Variants in PREX1 observed in about 807,000 individuals in gnomAD.
PREX1 encodes the protein phosphatidylinositol-3,4,5-trisphosphate dependent Rac exchange factor 1.
PREX1 carries 41 observed loss-of-function variants against 198.3 expected under a neutral mutation model. The ratio of observed to expected loss-of-function variants is 0.21; its 90% CI spans 0.16 to 0.27. The LOEUF (loss-of-function observed/expected upper bound fraction) is 0.27, where lower values mean the gene tolerates loss of function less well. Ranked by LOEUF, PREX1 falls within the 10% of genes least tolerant of loss-of-function variation. The probability of loss-of-function intolerance (pLI) is 1.00; values close to 1 mark genes in which losing one functional copy is unlikely to be tolerated. For synonymous variants in PREX1, 843 were observed against 887.2 expected (o/e 0.95, Z 0.89); for missense variants, 1,620 against 2,200.7 (o/e 0.74, Z 5.28).
chr20:48,682,886 G>A (rs1016355318), intron 10 of PREX1, among the ~76,000 whole-genome samples: 1 of 152,206 alleles, frequency 6.6e-6, no homozygotes, highest in Non-Finnish European at 1.5e-5. Context: ...CAGCTGTCCC[G>A]CCTCCAATTA....
At chr20:48,727,876 T>A (rs1342924950) in intron 4 of PREX1, among the ~76,000 whole-genome samples, 1 of 152,174 alleles carries the variant, frequency 6.6e-6, no homozygotes, top group Non-Finnish European at 1.5e-5. Context: ...ACCCTCTCCT[T>A]CAGAGAGGCT....
intron 1 of PREX1, among the ~76,000 whole-genome samples, chr20:48,753,417 G>A (rs999933578): frequency 2.0e-5 from 3 of 152,092 alleles, no homozygotes; most frequent in African/African-American, 7.2e-5. Flanking sequence ...GAAGACATGT[G>A]CCAATGTCTA....
the PREX1 span, among the ~76,000 whole-genome samples, chr20:48,858,005 A>G: frequency 6.6e-6 from 1 of 152,266 alleles, no homozygotes; most frequent in Admixed American, 6.5e-5. Flanking sequence ...GCTGGAGCAG[A>G]GCAGAGCAGA....
chr20:48,779,718 C>T (rs540739082), intron 1 of PREX1, among the ~76,000 whole-genome samples: 1 of 152,280 alleles, frequency 6.6e-6, no homozygotes, highest in African/African-American at 2.4e-5. Context: ...ATCTCAAAGG[C>T]TTTATGGTGA....
intron 4 of PREX1, among the ~76,000 whole-genome samples, chr20:48,730,980 A>G (rs1418525076): frequency 6.6e-6 from 1 of 152,198 alleles, no homozygotes; most frequent in Non-Finnish European, 1.5e-5. Flanking sequence ...TGGGTGACGC[A>G]GCGAGACCCT....
intron 14 of PREX1, among the ~76,000 whole-genome samples, chr20:48,670,856 C>T (rs1477100578): frequency 6.6e-6 from 1 of 152,208 alleles, no homozygotes; most frequent in Non-Finnish European, 1.5e-5. Context: ...ATCCTGGTGG[C>T]TGTGTGCCCT....
intron 5 of PREX1, among the ~76,000 whole-genome samples, chr20:48,724,627 A>T (rs1256661174): frequency 6.6e-6 from 1 of 152,254 alleles, no homozygotes; most frequent in East Asian, 1.9e-4. Context: ...CAAAGCTTTT[A>T]AAAAAAAGAG....
At chr20:48,872,065 A>T in the PREX1 span, among the ~76,000 whole-genome samples, 8 of 151,602 alleles carry the variant, frequency 5.3e-5, no homozygotes, top group East Asian at 1.6e-3. Context: ...AGGCTGAGGC[A>T]GGAGAATGGC....
chr20:48,654,759 CA>C (rs1158709224), intron 19 of PREX1, among the ~76,000 whole-genome samples: 1 of 152,076 alleles, frequency 6.6e-6, no homozygotes, highest in African/African-American at 2.4e-5. Flanking sequence ...CACTTAGATG[CA>C]AAAAAAGTTT....
chr20:48,722,434 T>A (rs2089990376), intron 5 of PREX1, among the ~76,000 whole-genome samples: 1 of 152,144 alleles, frequency 6.6e-6, no homozygotes, highest in Admixed American at 6.5e-5. Flanking sequence ...AGTAGACAAG[T>A]GGTCGGCAGG....
intron 33 of PREX1, among the ~76,000 whole-genome samples, chr20:48,634,465 C>A (rs1033206580): frequency 6.6e-6 from 1 of 152,204 alleles, no homozygotes; most frequent in Admixed American, 6.5e-5. Flanking sequence ...TAGCCGGGTT[C>A]ATACAAAAAG....
chr20:48,868,354 G>C, the PREX1 span, among the ~76,000 whole-genome samples: 1 of 151,696 alleles, frequency 6.6e-6, no homozygotes, highest in African/African-American at 2.4e-5. Context: ...TTTCGCTCTT[G>C]TTACCCAAGC....
In PREX1 at chr20:48,792,815, A is replaced by ATACAC. The variant is rs758333598; in HGVS notation, c.219+34826_219+34827insGTGTA. 8.1e-3 allele frequency among the ~76,000 whole-genome samples: 615 copies of ATACAC among 75,808 alleles called. 2 individuals carry two copies. The highest frequency in any genetic ancestry group is 0.015 in the East Asian group (34 of 2,200). The allele number at this position is 75,808 out of a possible 152,430, so 49.7% of individuals were successfully genotyped here. ...AGAAGCCAGATACAAAAAAAAAAAA[A>ATACAC]ATACACACACACACACACACACACA... On this transcript the variant is annotated intron_variant, in intron 1 of 39. Coordinates refer to ENST00000371941, the MANE Select transcript of PREX1 (RefSeq NM_020820.4).
intron 3 of PREX1, among the ~76,000 whole-genome samples, chr20:48,740,401 T>A (rs1445504890): frequency 6.6e-6 from 1 of 152,218 alleles, no homozygotes; most frequent in African/African-American, 2.4e-5. Context: ...GGGCCACCTG[T>A]CTGAGGCGGT....
At chr20:48,705,652 T>C (rs986727926) in intron 6 of PREX1, among the ~76,000 whole-genome samples, 2 of 152,164 alleles carry the variant, frequency 1.3e-5, no homozygotes, top group Non-Finnish European at 2.9e-5. Flanking sequence ...TGGAAGCAAC[T>C]CCACTATTAG....
At chr20:48,696,643 ACATACACACG>A (rs1306702530) in intron 7 of PREX1, among the ~76,000 whole-genome samples, 173 of 151,918 alleles carry the variant, frequency 1.1e-3, no homozygotes, top group African/African-American at 3.9e-3. Flanking sequence ...ATACATACAC[ACATACACACG>A]TACACACGTA....
the PREX1 span, among the ~76,000 whole-genome samples, chr20:48,836,646 G>A: frequency 1.3e-5 from 2 of 152,094 alleles, no homozygotes; most frequent in African/African-American, 2.4e-5. Context: ...TGGGTGCGGT[G>A]GCTCACGCCT....
At chr20:48,818,744 T>G (rs1209777343) in intron 1 of PREX1, among the ~76,000 whole-genome samples, 3 of 152,134 alleles carry the variant, frequency 2.0e-5, no homozygotes, top group Non-Finnish European at 4.4e-5. Flanking sequence ...GCCAAACAGT[T>G]TTTAATTATG....
At chr20:48,710,489 G>A (rs1361964001) in intron 5 of PREX1, among the ~76,000 whole-genome samples, 1 of 152,134 alleles carries the variant, frequency 6.6e-6, no homozygotes, top group South Asian at 2.1e-4. Context: ...TATCAGGTAG[G>A]CACCATTATT....
Sources: gnomAD v4.1 joint callset for allele counts (sites outside exome capture counted in the v4.1 genomes callset) on GRCh38, gnomAD v4.1.1 for gene constraint, MANE v1.5 for transcripts, NCBI Gene and HGNC (gene_info 2026-07-23, HGNC 2026-07-21) for gene names.